PAQR5: variants seen among roughly 807,000 people sequenced by gnomAD.
The protein encoded by PAQR5 is progestin and adipoQ receptor family member 5, also known as membrane progestin receptor gamma.
PAQR5 carries 20 observed loss-of-function variants against 34.5 expected under a neutral mutation model. The observed-to-expected ratio is 0.58, with a 90% CI of 0.41 to 0.84. The LOEUF is 0.84. PAQR5 is among the 40% of genes least tolerant of loss of function. The probability of loss-of-function intolerance (pLI) is 0.00; values close to 1 mark genes in which losing one functional copy is unlikely to be tolerated. For synonymous variants in PAQR5, 131 were observed against 155.6 expected, an observed-to-expected ratio of 0.84 and a Z score of 1.18; for missense variants, 378 against 412.7, an observed-to-expected ratio of 0.92 and a Z score of 0.73.
At chr15:69,310,630 A>T (rs28407758) in intron 1 of PAQR5, among the ~76,000 whole-genome samples, 8,325 of 152,256 alleles carry the variant, frequency 0.055, 751 homozygotes, top group African/African-American at 0.19. Flanking sequence ...GGAATCTTGA[A>T]GTATTGGAGA....
At chr15:69,346,537 T>A (rs12914550) in intron 2 of PAQR5, among the ~76,000 whole-genome samples, 121,859 of 150,770 alleles carry the variant, frequency 0.81, 52,058 homozygotes, top group Non-Finnish European at 0.96. Context: ...TGGGCTCAAG[T>A]GATCCTCTCA....
intron 2 of PAQR5, among the ~76,000 whole-genome samples, chr15:69,349,818 T>A (rs1294971764): frequency 6.6e-6 from 1 of 151,838 alleles, no homozygotes; most frequent in Non-Finnish European, 1.5e-5. Context: ...ATTTTTGTAT[T>A]TTTAGAAGAG....
chr15:69,362,491 A>C (rs1311855898), intron 3 of PAQR5, among the ~76,000 whole-genome samples: 1 of 152,240 alleles, frequency 6.6e-6, no homozygotes, highest in Admixed American at 6.5e-5. Context: ...CACAATTTAC[A>C]TGAATATTTA....
Position 69,404,939 on chromosome 15 carries a change from A to C in PAQR5, c.*1117A>C. On this transcript the variant is annotated 3_prime_UTR_variant, in exon 9 of 9. Transcript: ENST00000395407. Reference sequence around the variant, plus strand: ...CAGATGATTCTAATACAGGAGGGCCAGAGGCCAAACTTGAAGAACTGCTGG... The same window carrying C: ...CAGATGATTCTAATACAGGAGGGCCCGAGGCCAAACTTGAAGAACTGCTGG... 1 of 398,632 alleles carries C rather than the reference A, an allele frequency of 2.5e-6. No homozygotes were observed. The highest frequency in any genetic ancestry group is 4.4e-6 in the Non-Finnish European group (1 of 226,044). The allele number at this position is 398,632 out of a possible 1,614,324, so 24.7% of individuals were successfully genotyped here.
At chr15:69,299,190 G>A (rs2053464276) in intron 1 of PAQR5, 134 bp downstream of exon 1, 1 of 152,176 alleles carries the variant, frequency 6.6e-6, no homozygotes, top group Admixed American at 6.5e-5. Context: ...TCCGAGGGCG[G>A]GTCTGGGAAA....
intron 2 of PAQR5, among the ~76,000 whole-genome samples, chr15:69,356,674 C>T (rs2055087005): frequency 6.6e-6 from 1 of 152,106 alleles, no homozygotes; most frequent in Non-Finnish European, 1.5e-5. Flanking sequence ...TAACCACTAT[C>T]CAGCTTTCTG....
chr15:69,358,394 T>G (rs940020891), intron 2 of PAQR5, among the ~76,000 whole-genome samples: 6 of 152,144 alleles, frequency 3.9e-5, no homozygotes, highest in Non-Finnish European at 8.8e-5. Flanking sequence ...CTGGAAGAGT[T>G]GAGTTGCTTC....
At position 69,385,107 on chromosome 15, in the gene PAQR5, G is replaced by A. The variant is rs1316776408; in HGVS notation, c.385+225G>A. Among the ~76,000 whole-genome samples the A allele has an allele frequency of 6.6e-6, 1 of 152,186 alleles. No individual in the cohort carries two copies. The highest frequency in any genetic ancestry group is 1.5e-5 in the Non-Finnish European group (1 of 68,030). On this transcript the variant is annotated intron_variant, in intron 5 of 8. Coordinates refer to ENST00000395407, the MANE Select transcript of PAQR5 (RefSeq NM_017705.4). The surrounding 1 kb of genome is among the most constrained non-coding windows in gnomAD (Gnocchi z 4.7). ...TCTGTGGGGACAACAGCCCCGATCTGCAGTGTTGCCAGTTTCTGTGGTGTA... is the reference window on the plus strand; with the variant it reads ...TCTGTGGGGACAACAGCCCCGATCTACAGTGTTGCCAGTTTCTGTGGTGTA...
At chr15:69,353,152 T>A (rs894562494) in intron 2 of PAQR5, among the ~76,000 whole-genome samples, 2 of 152,192 alleles carry the variant, frequency 1.3e-5, no homozygotes, top group African/African-American at 4.8e-5. Flanking sequence ...CACTGCTGAG[T>A]GCCCATTCTG....
At chr15:69,329,772 A>G (rs918635146) in intron 1 of PAQR5, among the ~76,000 whole-genome samples, 9 of 152,096 alleles carry the variant, frequency 5.9e-5, no homozygotes, top group African/African-American at 2.2e-4. Context: ...GGAATGAACC[A>G]CTGCAAACAG....
chr15:69,379,711 AT>A, intron 3 of PAQR5, 171 bp from the exon 4 acceptor site: 1 of 763,844 alleles, frequency 1.3e-6, no homozygotes, highest in Non-Finnish European at 1.6e-6. Flanking sequence ...AGGACAAGGG[AT>A]TTTAGAAGCT....
In PAQR5 at chr15:69,407,759, A is replaced by C. The variant is rs1268602069; in HGVS notation, c.*3937A>C. On this transcript the variant is annotated 3_prime_UTR_variant, in exon 9 of 9. Coordinates refer to ENST00000395407, the MANE Select transcript of PAQR5 (RefSeq NM_017705.4). ...TGTGTATCAGTAAATCATTCAATGA[A>C]TAGTTAGTGCTTAGGATGTATAGAA... is the stretch of plus-strand genomic sequence containing the variant. 2 of 152,250 alleles carry C rather than the reference A, an allele frequency of 1.3e-5. No individual in the cohort carries two copies. Among genetic ancestry groups the C allele is most frequent in the East Asian group, 3.8e-4 (2 of 5,200 alleles). The allele number at this position is 152,250 out of a possible 1,614,324, so 9.4% of individuals were successfully genotyped here.
rs555842676 is a variant in PAQR5 at position 69,353,391 on chromosome 15, G to A, written c.-115-6575G>A. ...GGACTCATAGAATGCTTTATTCATT[G>A]CCATGGTATTCATACAATATTGCTT... is the stretch of plus-strand genomic sequence containing the variant. On this transcript the variant is annotated intron_variant, in intron 2 of 8. Coordinates refer to ENST00000395407, the MANE Select transcript of PAQR5 (RefSeq NM_017705.4). Among the ~76,000 whole-genome samples the A allele has an allele frequency of 1.8e-4, 28 of 152,284 alleles. 2 individuals are homozygous for A. The South Asian group carries it at 5.8e-3, about 32-fold the overall frequency.
chr15:69,326,244 C>T (rs2054248292), intron 1 of PAQR5, among the ~76,000 whole-genome samples: 1 of 152,090 alleles, frequency 6.6e-6, no homozygotes, highest in South Asian at 2.1e-4. Flanking sequence ...CCAAACTCCC[C>T]AAAGCTCCCA....
Position 69,312,693 on chromosome 15 carries a change from G to A in PAQR5, c.-277+13637G>A, listed in dbSNP as rs1272096131. 3.3e-5 allele frequency among the ~76,000 whole-genome samples: 5 copies of A among 151,546 alleles called. No homozygotes were observed. In the East Asian group the frequency reaches 9.7e-4, roughly 29 times the overall value. On this transcript the variant is annotated intron_variant, in intron 1 of 8. Coordinates refer to ENST00000395407, the MANE Select transcript of PAQR5 (RefSeq NM_017705.4). ...GGTGACTGCTTCTGACTTTCCAGGG[G>A]CATTTGACTTGAGAAATAAAAAAAA...
At chr15:69,329,664 T>A (rs978372857) in intron 1 of PAQR5, among the ~76,000 whole-genome samples, 15 of 151,972 alleles carry the variant, frequency 9.9e-5, no homozygotes, top group African/African-American at 3.6e-4. Flanking sequence ...TTTTGTATTT[T>A]AGTAGAGACA....
intron 1 of PAQR5, among the ~76,000 whole-genome samples, chr15:69,306,606 T>C (rs28410151): frequency 0.5 from 75,456 of 151,734 alleles, 20,704 homozygotes; most frequent in African/African-American, 0.75. Context: ...GGTTTCACCA[T>C]GTTGGCCAGG....
At chr15:69,393,222 G>A (rs1005076767) in intron 6 of PAQR5, among the ~76,000 whole-genome samples, 4 of 152,058 alleles carry the variant, frequency 2.6e-5, no homozygotes, top group African/African-American at 4.8e-5. Context: ...CTCGCTCCAC[G>A]TTCCCTGACC....
At chr15:69,306,391 A>G (rs1439232256) in intron 1 of PAQR5, among the ~76,000 whole-genome samples, 1 of 145,880 alleles carries the variant, frequency 6.9e-6, no homozygotes. Flanking sequence ...ACCTTTAACC[A>G]TTTAAAATTT....
Sources: allele counts gnomAD v4.1 joint callset (sites outside exome capture counted in the v4.1 genomes callset), GRCh38; gene constraint gnomAD v4.1.1; non-coding constraint Gnocchi (gnomAD v3.1); transcripts MANE v1.5; gene names NCBI Gene and HGNC (gene_info 2026-07-23, HGNC 2026-07-21).